Variants in VWC2L observed in about 807,000 individuals in gnomAD.
VWC2L encodes the protein von Willebrand factor C domain-containing protein 2-like.
Under a neutral mutation model 21.6 loss-of-function variants are expected in VWC2L, and 10 were observed. The observed-to-expected ratio is 0.46, with a 90% CI of 0.29 to 0.78. VWC2L has a LOEUF of 0.78. Among genes scored for constraint, VWC2L ranks in the 30% least tolerant of loss-of-function variants. The probability of loss-of-function intolerance (pLI) is 0.10; values close to 1 mark genes in which losing one functional copy is unlikely to be tolerated. For synonymous variants in VWC2L, 96 were observed against 94.3 expected (o/e 1.02, Z -0.10); for missense variants, 209 against 277.1 (o/e 0.75, Z 1.74).
At chr2:214,542,307 G>A (rs964002925) in intron 3 of VWC2L, among the ~76,000 whole-genome samples, 4 of 152,176 alleles carry the variant, frequency 2.6e-5, no homozygotes, top group Non-Finnish European at 4.4e-5. Context: ...CACCAGGATC[G>A]CATTCCCTCT....
chr2:214,575,741 T>G lies in VWC2L; in HGVS notation c.590T>G (p.Ile197Ser). 6.2e-7 allele frequency: 1 copy of G among 1,613,558 alleles called. No homozygotes were observed. Among genetic ancestry groups the G allele is most frequent in the Non-Finnish European group, 8.5e-7 (1 of 1,179,558 alleles). Residue 197 changes from isoleucine (I) to serine (S), a missense_variant, in exon 4 of 4, where the codon ATC (isoleucine) becomes AGC (serine). By Grantham distance (142) the Ile-to-Ser change is moderately radical. Transcript: ENST00000312504. ...GAAGTGAAAGTGGACGAATGTAACATCTGTCATTGTCACAACGGGGACTGG... is the reference window on the plus strand; with the variant it reads ...GAAGTGAAAGTGGACGAATGTAACAGCTGTCATTGTCACAACGGGGACTGG... ...GIEVKVDECN[I>S]CHCHNGDWWK...
intron 3 of VWC2L, among the ~76,000 whole-genome samples, chr2:214,511,988 G>T (rs970316345): frequency 2.0e-5 from 3 of 150,130 alleles, no homozygotes; most frequent in Non-Finnish European, 3.0e-5. Context: ...TGAACTTAAT[G>T]CTTACCCTTC....
chr2:214,496,444 C>A (rs947303806), intron 3 of VWC2L, among the ~76,000 whole-genome samples: 3 of 152,114 alleles, frequency 2.0e-5, no homozygotes, highest in Non-Finnish European at 2.9e-5. Context: ...TGTTATTTTT[C>A]AACTATCTGT....
At chr2:214,490,844 A>G (rs1559306759) in intron 3 of VWC2L, among the ~76,000 whole-genome samples, 1 of 152,230 alleles carries the variant, frequency 6.6e-6, no homozygotes, top group South Asian at 2.1e-4. Context: ...ATTGGTGTCA[A>G]TGTGACTAGG....
intron 3 of VWC2L, among the ~76,000 whole-genome samples, chr2:214,480,774 T>A (rs1342398066): frequency 7.5e-6 from 1 of 133,420 alleles, no homozygotes; most frequent in African/African-American, 2.8e-5. Context: ...TTTGTCTACA[T>A]CCCCCTGGAC....
intron 3 of VWC2L, among the ~76,000 whole-genome samples, chr2:214,575,113 C>A (rs1008499640): frequency 6.7e-6 from 1 of 149,832 alleles, no homozygotes; most frequent in African/African-American, 2.5e-5. Context: ...TCTAACAAAG[C>A]TTGTTCAGGA....
At chr2:214,556,697 C>CT (rs919012462) in intron 3 of VWC2L, among the ~76,000 whole-genome samples, 1 of 152,202 alleles carries the variant, frequency 6.6e-6, no homozygotes, top group African/African-American at 2.4e-5. Context: ...ATACTACAAT[C>CT]TGAGGCGAGG....
chr2:214,421,864 A>C (rs1462322675), intron 2 of VWC2L, among the ~76,000 whole-genome samples: 1 of 129,956 alleles, frequency 7.7e-6, no homozygotes, highest in African/African-American at 2.9e-5. Flanking sequence ...AACAAGCATA[A>C]TTTTTTTCTA....
In VWC2L at chr2:214,577,416, C is replaced by T. The variant is rs2105937316; in HGVS notation, c.*1596C>T. 6.6e-6 allele frequency: 1 copy of T among 152,356 alleles called. No individual in the cohort carries two copies. Among genetic ancestry groups the T allele is most frequent in the Non-Finnish European group, 1.5e-5 (1 of 68,092 alleles). 9.4% of individuals were successfully genotyped at this position (152,356 alleles called of 1,614,324 possible). On this transcript the variant is annotated 3_prime_UTR_variant, in exon 4 of 4. Coordinates refer to ENST00000312504, the MANE Select transcript of VWC2L (RefSeq NM_001080500.4). ...CTGGCCTCTATCCACTAGCAACATC[C>T]CAGCAACTGGTGACAACCAAATTTC...
intron 3 of VWC2L, among the ~76,000 whole-genome samples, chr2:214,497,431 C>T (rs1688827846): frequency 6.6e-6 from 1 of 152,142 alleles, no homozygotes; most frequent in Admixed American, 6.6e-5. Flanking sequence ...TTAACTCCAC[C>T]CAATTTTCGC....
intron 3 of VWC2L, among the ~76,000 whole-genome samples, chr2:214,478,600 T>G (rs960691406): frequency 9.9e-5 from 15 of 152,006 alleles, no homozygotes; most frequent in African/African-American, 3.1e-4. Flanking sequence ...TTTCCTAGAG[T>G]TATCTCCTCT....
At chr2:214,421,807 AT>A (rs755855634) in intron 2 of VWC2L, among the ~76,000 whole-genome samples, 31 of 149,862 alleles carry the variant, frequency 2.1e-4, no homozygotes, top group Non-Finnish European at 4.0e-4. Context: ...CCTATTTTTA[AT>A]TGTTTCTCCT....
At chr2:214,416,716 T>C (rs1702362759) in intron 2 of VWC2L, among the ~76,000 whole-genome samples, 1 of 152,076 alleles carries the variant, frequency 6.6e-6, no homozygotes, top group Non-Finnish European at 1.5e-5. Flanking sequence ...TGGATATAAA[T>C]TTTTGAATGG....
In VWC2L at chr2:214,537,433, A is replaced by G. The variant is rs1033678840; in HGVS notation, c.521-38239A>G. Among the ~76,000 whole-genome samples, 8 of 152,092 alleles carry G rather than the reference A, an allele frequency of 5.3e-5. No individual in the cohort carries two copies. In the East Asian group the frequency reaches 9.6e-4, roughly 18 times the overall value. Reference sequence around the variant, plus strand: ...CAGTCAGACACAAAAAGACGAAAAAAAAAAGGCATGTTCTCTTTTATATGC... The same window carrying G: ...CAGTCAGACACAAAAAGACGAAAAAGAAAAGGCATGTTCTCTTTTATATGC... On this transcript the variant is annotated intron_variant, in intron 3 of 3. Coordinates refer to ENST00000312504, the MANE Select transcript of VWC2L (RefSeq NM_001080500.4).
At chr2:214,497,766 G>T (rs1559308801) in intron 3 of VWC2L, among the ~76,000 whole-genome samples, 1 of 152,162 alleles carries the variant, frequency 6.6e-6, no homozygotes, top group Non-Finnish European at 1.5e-5. Context: ...TGGGAGGGAG[G>T]CCTGGGGATT....
intron 3 of VWC2L, among the ~76,000 whole-genome samples, chr2:214,509,257 G>A (rs1689016324): frequency 6.6e-6 from 1 of 152,190 alleles, no homozygotes; most frequent in African/African-American, 2.4e-5. Context: ...GTACATTCAT[G>A]TTTAAACATG....
intron 3 of VWC2L, among the ~76,000 whole-genome samples, chr2:214,544,117 C>T (rs915868748): frequency 6.6e-6 from 1 of 152,134 alleles, no homozygotes; most frequent in East Asian, 1.9e-4. Context: ...GACACAGACT[C>T]AAAACTAGAA....
At chr2:214,535,744 A>G (rs2105918289) in intron 3 of VWC2L, among the ~76,000 whole-genome samples, 1 of 152,116 alleles carries the variant, frequency 6.6e-6, no homozygotes, top group South Asian at 2.1e-4. Flanking sequence ...TAAATTTTAT[A>G]ACAAAAGTCA....
At chr2:214,556,704 G>A (rs928918246) in intron 3 of VWC2L, among the ~76,000 whole-genome samples, 1 of 152,156 alleles carries the variant, frequency 6.6e-6, no homozygotes, top group African/African-American at 2.4e-5. Flanking sequence ...AATCTGAGGC[G>A]AGGAATCCAT....
Sources: gnomAD v4.1 joint callset for allele counts (sites outside exome capture counted in the v4.1 genomes callset) on GRCh38, gnomAD v4.1.1 for gene constraint, MANE v1.5 for transcripts, NCBI Gene and HGNC (gene_info 2026-07-23, HGNC 2026-07-21) for gene names.